Variants in DOK6 observed in about 807,000 individuals in gnomAD.
DOK6 encodes downstream of tyrosine kinase 6.
DOK6 carries 22 observed loss-of-function variants against 44.0 expected under a neutral mutation model. The observed-to-expected ratio is 0.50, with a 90% CI of 0.36 to 0.71. The LOEUF (loss-of-function observed/expected upper bound fraction) is 0.71. DOK6 is among the 30% of genes least tolerant of loss of function. The pLI is 0.00. For synonymous variants in DOK6, 166 were observed against 145.5 expected, an observed-to-expected ratio of 1.14 and a Z score of -1.01; for missense variants, 340 against 416.4, an observed-to-expected ratio of 0.82 and a Z score of 1.60.
At chr18:69,531,062 G>A (rs1229301097) in intron 1 of DOK6, among the ~76,000 whole-genome samples, 2 of 151,712 alleles carry the variant, frequency 1.3e-5, no homozygotes, top group East Asian at 3.9e-4. Flanking sequence ...TGTTTTATCA[G>A]AGACTAGGAT....
intron 7 of DOK6, among the ~76,000 whole-genome samples, chr18:69,831,503 T>G (rs892907779): frequency 1.3e-5 from 2 of 152,228 alleles, no homozygotes; most frequent in Non-Finnish European, 2.9e-5. Context: ...ATTTTTAAAA[T>G]ATGATTTCTA....
At chr18:69,484,154 A>T (rs892823866) in intron 1 of DOK6, among the ~76,000 whole-genome samples, 1 of 152,048 alleles carries the variant, frequency 6.6e-6, no homozygotes, top group South Asian at 2.1e-4. Flanking sequence ...TTTCCATAAA[A>T]AAAATAATTA....
At chr18:69,584,654 T>G (rs980048166) in intron 2 of DOK6, among the ~76,000 whole-genome samples, 6 of 152,126 alleles carry the variant, frequency 3.9e-5, no homozygotes, top group African/African-American at 1.4e-4. Flanking sequence ...TTTGCTTTTT[T>G]TTTTCTGGAC....
intron 7 of DOK6, among the ~76,000 whole-genome samples, chr18:69,814,153 G>C (rs1055177109): frequency 2.6e-5 from 4 of 151,960 alleles, no homozygotes; most frequent in Non-Finnish European, 5.9e-5. Flanking sequence ...ATGGCCTGGA[G>C]TGTGTGACCT....
chr18:69,738,935 C>T (rs1371617676), intron 5 of DOK6, 30 bp from the exon 6 acceptor site: 1 of 1,611,762 alleles, frequency 6.2e-7, no homozygotes, highest in South Asian at 1.1e-5. Flanking sequence ...ACATGGAGAC[C>T]CATCTCTTTC....
chr18:69,598,457 G>T (rs1983798428), intron 2 of DOK6, among the ~76,000 whole-genome samples: 1 of 151,994 alleles, frequency 6.6e-6, no homozygotes, highest in South Asian at 2.1e-4. Flanking sequence ...AATATCATAG[G>T]TTGTCATAAA....
Position 69,765,028 on chromosome 18 carries a change from C to A in DOK6, c.856+7155C>A, listed in dbSNP as rs540145105. Among the ~76,000 whole-genome samples, 4 of 152,236 alleles carry A rather than the reference C, an allele frequency of 2.6e-5. No individual in the cohort carries two copies. In the South Asian group the frequency reaches 8.3e-4, roughly 32 times the overall value. On this transcript the variant is annotated intron_variant, in intron 7 of 7. Transcript: ENST00000382713. ...CTCAGAAGGACAGGATGGAAATAGG[C>A]AATTAGAATTAGAGATAACCTTCAG...
intron 3 of DOK6, among the ~76,000 whole-genome samples, chr18:69,615,597 C>A (rs1287846049): frequency 2.0e-5 from 3 of 152,172 alleles, no homozygotes; most frequent in Admixed American, 2.0e-4. Flanking sequence ...AGCTATATAG[C>A]AATGTCAATG....
intron 3 of DOK6, among the ~76,000 whole-genome samples, chr18:69,623,974 G>A (rs959938714): frequency 2.6e-5 from 4 of 152,120 alleles, no homozygotes; most frequent in East Asian, 1.9e-4. Flanking sequence ...GATAGACATA[G>A]AGCCTTTGGC....
intron 5 of DOK6, among the ~76,000 whole-genome samples, chr18:69,703,085 C>T (rs896498346): frequency 2.0e-5 from 3 of 151,598 alleles, no homozygotes; most frequent in Non-Finnish European, 4.4e-5. Flanking sequence ...ATTATCATAG[C>T]AAGAGATTTA....
chr18:69,681,708 T>TA (rs1486656920), intron 4 of DOK6, among the ~76,000 whole-genome samples: 4 of 152,184 alleles, frequency 2.6e-5, no homozygotes, highest in South Asian at 2.1e-4. Context: ...ATACTGACCA[T>TA]AAAAAATATT....
intron 3 of DOK6, among the ~76,000 whole-genome samples, chr18:69,609,946 C>T (rs4312401): frequency 0.91 from 139,031 of 152,262 alleles, 64,832 homozygotes; most frequent in East Asian, 1. Context: ...TGCTGCATTT[C>T]ACTTATGTCA....
intron 7 of DOK6, among the ~76,000 whole-genome samples, 168 bp from the exon 8 acceptor site, chr18:69,841,076 C>T (rs1263442630): frequency 6.6e-6 from 1 of 152,162 alleles, no homozygotes; most frequent in Admixed American, 6.5e-5. Context: ...CAAGATTGCT[C>T]AATTTTTACC....
intron 1 of DOK6, among the ~76,000 whole-genome samples, chr18:69,544,537 C>G (rs17081211): frequency 0.048 from 7,316 of 151,508 alleles, 596 homozygotes; most frequent in African/African-American, 0.16. Context: ...ATGAATGTCA[C>G]AAGTTCCAAA....
At chr18:69,423,423 A>G (rs1457037678) in intron 1 of DOK6, among the ~76,000 whole-genome samples, 5 of 152,188 alleles carry the variant, frequency 3.3e-5, no homozygotes, top group Non-Finnish European at 7.3e-5. Flanking sequence ...GTTACTACCT[A>G]AGACTAGTCT....
intron 1 of DOK6, among the ~76,000 whole-genome samples, chr18:69,425,832 T>G (rs1377194014): frequency 2.0e-5 from 3 of 152,098 alleles, no homozygotes; most frequent in Non-Finnish European, 4.4e-5. Context: ...GTTGAAATAT[T>G]TCTTTAAATA....
intron 5 of DOK6, among the ~76,000 whole-genome samples, chr18:69,699,430 A>G (rs1362661558): frequency 6.6e-6 from 1 of 152,176 alleles, no homozygotes; most frequent in Non-Finnish European, 1.5e-5. Context: ...ATATCTATCT[A>G]GCCAGCTAGG....
At chr18:69,622,380 C>T (rs1327280878) in intron 3 of DOK6, among the ~76,000 whole-genome samples, 2 of 152,182 alleles carry the variant, frequency 1.3e-5, no homozygotes, top group African/African-American at 2.4e-5. Context: ...GTTTTGATAA[C>T]TATTATTTCT....
chr18:69,775,098 G>A (rs1428921356), intron 7 of DOK6, among the ~76,000 whole-genome samples: 1 of 151,294 alleles, frequency 6.6e-6, no homozygotes, highest in Non-Finnish European at 1.5e-5. Context: ...TTCAAGAAAT[G>A]AGGCCAGATG....
Sources: allele counts gnomAD v4.1 joint callset (sites outside exome capture counted in the v4.1 genomes callset), GRCh38; gene constraint gnomAD v4.1.1; transcripts MANE v1.5; gene names NCBI Gene and HGNC (gene_info 2026-07-23, HGNC 2026-07-21).